AKR1B10: variants seen among roughly 807,000 people sequenced by gnomAD.
AKR1B10 encodes the protein aldo-keto reductase family 1 member B10.
Under a neutral mutation model 38.9 loss-of-function variants are expected in AKR1B10, and 39 were observed. The observed-to-expected ratio is 1.00, with a 90% CI of 0.78 to 1.31. The LOEUF (loss-of-function observed/expected upper bound fraction) is 1.31, where lower values mean the gene tolerates loss of function less well. AKR1B10 is among the 50% of genes most tolerant of loss of function. AKR1B10 has a pLI of 0.00. For missense variants in AKR1B10, 361 were observed against 382.6 expected (o/e 0.94, Z 0.47); for synonymous variants, 148 against 141.2 (o/e 1.05, Z -0.34).
chr7:134,538,958 TGAG>T lies in AKR1B10; in HGVS notation c.853_855del (p.Glu285del). The T allele has an allele frequency of 6.2e-7, 1 of 1,613,986 alleles. No individual in the cohort carries two copies. The highest frequency in any genetic ancestry group is 8.5e-7 in the Non-Finnish European group (1 of 1,179,944). ...AGGTCTTTGACTTTAAATTGAGTGA[TGAG>T]GAGATGGCAACCATACTCAGCTTCA... is the stretch of plus-strand genomic sequence containing the variant. On this transcript the variant is annotated inframe_deletion, in exon 9 of 10. Coordinates refer to ENST00000359579, the MANE Select transcript of AKR1B10 (RefSeq NM_020299.5).
Position 134,541,194 on chromosome 7 carries a change from T to A in AKR1B10, c.*105T>A. 1 of 861,540 alleles carries A rather than the reference T, an allele frequency of 1.2e-6. No homozygotes were observed. The highest frequency in any genetic ancestry group is 1.9e-6 in the Non-Finnish European group (1 of 540,466). 53.4% of individuals were successfully genotyped at this position (861,540 alleles called of 1,614,324 possible). A position where few individuals can be genotyped will look rare whatever the true frequency, so the allele number is the denominator to read the frequency against. ...TAGCCAAGCTTATTTAAGATCACAG[T>A]GAACTTAGTCCTGTTATAGACGAGA... is the stretch of plus-strand genomic sequence containing the variant. On this transcript the variant is annotated 3_prime_UTR_variant, in exon 10 of 10. Coordinates refer to ENST00000359579, the MANE Select transcript of AKR1B10 (RefSeq NM_020299.5).
intron 4 of AKR1B10, among the ~76,000 whole-genome samples, chr7:134,534,989 A>AT (rs199993477): frequency 0.014 from 2,097 of 149,098 alleles, 50 homozygotes; most frequent in African/African-American, 0.047. Flanking sequence ...GGCACTGGTA[A>AT]TTTTTTTTTT....
chr7:134,535,385 C>T (rs982392247), intron 4 of AKR1B10, among the ~76,000 whole-genome samples: 7 of 152,010 alleles, frequency 4.6e-5, no homozygotes, highest in African/African-American at 1.4e-4. Context: ...CTCCTGTCAC[C>T]TCCCAAAGTG....
Position 134,527,721 on chromosome 7 carries a change from CTGTA to C in AKR1B10, c.-190_-187del. 1.8e-6 allele frequency: 1 copy of C among 541,300 alleles called. No homozygotes were observed. The highest frequency in any genetic ancestry group is 3.2e-5 in the Admixed American group (1 of 31,062). The allele number at this position is 541,300 out of a possible 1,614,324, so 33.5% of individuals were successfully genotyped here. On this transcript the variant is annotated 5_prime_UTR_variant, in exon 1 of 10. Transcript: ENST00000359579. ...ATTAGCTGGGAGTCACGGTGGGCGC[CTGTA>C]ATCCCAGCTACTCGGGAGGCTGAGG...
chr7:134,532,293 A>T (rs1427893850), intron 3 of AKR1B10, among the ~76,000 whole-genome samples: 1 of 152,166 alleles, frequency 6.6e-6, no homozygotes, highest in East Asian at 1.9e-4. Flanking sequence ...AGCCCAGACA[A>T]GTTGCAACTG....
chr7:134,537,392 G>C (rs555809016), intron 6 of AKR1B10, among the ~76,000 whole-genome samples, 188 bp from the exon 7 acceptor site: 1 of 152,262 alleles, frequency 6.6e-6, no homozygotes, highest in Admixed American at 6.5e-5. Context: ...GCCACCCAAG[G>C]GTGAACCAGG....
intron 7 of AKR1B10, 27 bp from the exon 8 acceptor site, chr7:134,538,167 G>A (rs1396685243): frequency 4.4e-6 from 7 of 1,601,658 alleles, no homozygotes; most frequent in Non-Finnish European, 6.0e-6. Context: ...GAGCTGAGTG[G>A]AAGCCTGATG....
intron 1 of AKR1B10, 31 bp from the exon 2 acceptor site, chr7:134,530,612 A>G (rs750415558): frequency 1.3e-5 from 21 of 1,612,592 alleles, no homozygotes; most frequent in Middle Eastern, 1.6e-4. Flanking sequence ...AAAAAAACAC[A>G]TATGTGATGA....
intron 1 of AKR1B10, 98 bp from the exon 2 acceptor site, chr7:134,530,545 G>T (rs1401295517): frequency 7.4e-7 from 1 of 1,346,666 alleles, no homozygotes; most frequent in Non-Finnish European, 1.0e-6. Flanking sequence ...TGGGAGGGTT[G>T]CTTGAACCTG....
At position 134,527,901 on chromosome 7, in the gene AKR1B10, C is replaced by T. The variant is rs1198678003; in HGVS notation, c.-11C>T. On this transcript the variant is annotated 5_prime_UTR_variant, in exon 1 of 10. Transcript: ENST00000359579. ...TCTACCTGCTCACTCAGAATCATTT[C>T]TGCACCAACCATGGCCACGTTTGTG... 2 of 1,613,056 alleles carry T rather than the reference C, an allele frequency of 1.2e-6. No homozygotes were observed. Among genetic ancestry groups the T allele is most frequent in the Non-Finnish European group, 1.7e-6 (2 of 1,179,930 alleles).
At chr7:134,538,799 T>C in intron 8 of AKR1B10, 136 bp from the exon 9 acceptor site, 2 of 958,424 alleles carry the variant, frequency 2.1e-6, no homozygotes, top group South Asian at 1.6e-5. Flanking sequence ...TTGTATCCCG[T>C]GGACAGAATG....
rs747743382 is a variant in AKR1B10, at chr7:134,538,148, G to A, written c.742-46G>A. ...TTATTCTTCCTTTCCATAAAAGGAG[G>A]GGTCTTTGGAGCTGAGTGGAAGCCT... On this transcript the variant is annotated intron_variant, in intron 7 of 9. Coordinates refer to ENST00000359579, the MANE Select transcript of AKR1B10 (RefSeq NM_020299.5). The A allele has an allele frequency of 4.6e-6, 7 of 1,523,224 alleles. No homozygotes were observed. The African/African-American group carries it at 8.2e-5, about 18-fold the overall frequency. 94.4% of individuals were successfully genotyped at this position (1,523,224 alleles called of 1,614,324 possible).
At position 134,541,115 on chromosome 7, in the gene AKR1B10, C is replaced by T. The variant is rs759237383; in HGVS notation, c.*26C>T. The T allele has an allele frequency of 2.4e-5, 36 of 1,520,448 alleles. No homozygotes were observed. Among genetic ancestry groups the T allele is most frequent in the Admixed American group, 3.4e-5 (2 of 58,808 alleles). 94.2% of individuals were successfully genotyped at this position (1,520,448 alleles called of 1,614,324 possible). On this transcript the variant is annotated 3_prime_UTR_variant, in exon 10 of 10. Transcript: ENST00000359579. ...GGTTGAATCTCCTGGTGAGATTATACAGGAGATTCTCTTTCTTCGCTGAAG... is the reference window on the plus strand; with the variant it reads ...GGTTGAATCTCCTGGTGAGATTATATAGGAGATTCTCTTTCTTCGCTGAAG...
At chr7:134,528,623 C>T (rs1300078176) in intron 1 of AKR1B10, among the ~76,000 whole-genome samples, 1 of 152,062 alleles carries the variant, frequency 6.6e-6, no homozygotes, top group Non-Finnish European at 1.5e-5. Context: ...ACTTGGGAGG[C>T]TGAGGTGGAG....
chr7:134,530,852 G>C (rs759502130), intron 2 of AKR1B10, 42 bp downstream of exon 2: 6 of 1,574,784 alleles, frequency 3.8e-6, no homozygotes. Flanking sequence ...CTTCAAGGCA[G>C]GCAGAAGTAT....
At chr7:134,534,251 C>T (rs901844631) in intron 4 of AKR1B10, among the ~76,000 whole-genome samples, 4 of 152,050 alleles carry the variant, frequency 2.6e-5, no homozygotes, top group East Asian at 1.9e-4. Context: ...CCTCCTGAGT[C>T]GCTGGGACTA....
Position 134,532,023 on chromosome 7 carries a change from A to G in AKR1B10, c.350A>G (p.Lys117Arg). 1 of 1,614,052 alleles carries G rather than the reference A, an allele frequency of 6.2e-7. No homozygotes were observed. Among genetic ancestry groups the G allele is most frequent in the South Asian group, 1.1e-5 (1 of 91,082 alleles). ...CTTATTCACTGGCCACAGGGATTCA[A>G]GGTTTAAGACACTCTCTTTCTCAGC... is the stretch of plus-strand genomic sequence containing the variant. ...VYLIHWPQGF[K>R]SGDDLFPKDD... Residue 117 changes from lysine (K) to arginine (R), a missense_variant and splice_region_variant, in exon 3 of 10, where the codon AAG (lysine) becomes AGG (arginine). Around this residue, in one of 3 missense-constraint regions of AKR1B10, gnomAD observed 220 missense variants for 216.1 expected, o/e 1.02. Coordinates refer to ENST00000359579, the MANE Select transcript of AKR1B10 (RefSeq NM_020299.5).
At position 134,529,349 on chromosome 7, in the gene AKR1B10, T is replaced by G. The variant is rs556376248; in HGVS notation, c.67-1294T>G. ...GCAAGATTTGCCCAAAATCAGACCTTCAATCCTGTATAAACAGAATAAATA... is the reference window on the plus strand; with the variant it reads ...GCAAGATTTGCCCAAAATCAGACCTGCAATCCTGTATAAACAGAATAAATA... On this transcript the variant is annotated intron_variant, in intron 1 of 9. Transcript: ENST00000359579. Among the ~76,000 whole-genome samples, 4 of 152,286 alleles carry G rather than the reference T, an allele frequency of 2.6e-5. No homozygotes were observed. In the South Asian group the frequency reaches 8.3e-4, roughly 32 times the overall value.
At chr7:134,538,414 A>T in intron 8 of AKR1B10, 137 bp downstream of exon 8, 1 of 868,748 alleles carries the variant, frequency 1.2e-6, no homozygotes, top group African/African-American at 1.7e-5. Context: ...TTTCCAGCCC[A>T]GGGAGCTAGG....
Sources: allele counts gnomAD v4.1 joint callset (sites outside exome capture counted in the v4.1 genomes callset), GRCh38; gene constraint gnomAD v4.1.1; regional missense constraint gnomAD v4.1.1; transcripts MANE v1.5; gene names NCBI Gene and HGNC (gene_info 2026-07-23, HGNC 2026-07-21).